The following METTL8 variants were observed in gnomAD, a reference collection of about 807,000 sequenced individuals.
The protein encoded by METTL8 is methyltransferase 8, tRNA N3-cytidine.
A neutral mutation model predicts 48.7 loss-of-function variants in METTL8; 32 were observed. The ratio of observed to expected loss-of-function variants is 0.66; its 90% CI spans 0.50 to 0.88. The LOEUF is 0.88. Among genes scored for constraint, METTL8 ranks in the 40% least tolerant of loss-of-function variants. METTL8 has a pLI of 0.00. For missense variants in METTL8, 464 were observed against 474.4 expected (o/e 0.98, Z 0.20); for synonymous variants, 136 against 157.1 (o/e 0.87, Z 1.01).
intron 1 of METTL8, among the ~76,000 whole-genome samples, chr2:171,393,407 CAAA>C (rs10629650): frequency 1.9e-5 from 2 of 104,184 alleles, no homozygotes; most frequent in Non-Finnish European, 3.6e-5. Flanking sequence ...TATAAAAAAG[CAAA>C]AAAAAAAAAA....
At chr2:171,423,058 T>C (rs1055997335) in intron 1 of METTL8, among the ~76,000 whole-genome samples, 2 of 152,150 alleles carry the variant, frequency 1.3e-5, no homozygotes, top group Non-Finnish European at 2.9e-5. Flanking sequence ...TGATAGTGAG[T>C]TCTCATGAGA....
At chr2:171,413,032 A>G (rs1411806427) in intron 1 of METTL8, among the ~76,000 whole-genome samples, 1 of 152,256 alleles carries the variant, frequency 6.6e-6, no homozygotes, top group Non-Finnish European at 1.5e-5. Context: ...GAAGACCTAT[A>G]CAACTCAATG....
chr2:171,359,637 G>A (rs932234685), intron 3 of METTL8, among the ~76,000 whole-genome samples: 6 of 150,536 alleles, frequency 4.0e-5, no homozygotes, highest in South Asian at 4.2e-4. Context: ...TTTTTTAGAC[G>A]GAGTCTCGCT....
At chr2:171,374,848 T>G (rs1259800298) in intron 2 of METTL8, 1 of 735,844 alleles carries the variant, frequency 1.4e-6, no homozygotes, top group Non-Finnish European at 2.4e-6. Flanking sequence ...GGTGTATGTT[T>G]AACTTTTTTT....
In METTL8 at chr2:171,317,767, G is replaced by A. The variant is rs1160283043; in HGVS notation, c.*6405C>T. 1 of 152,172 alleles carries A rather than the reference G, an allele frequency of 6.6e-6. No individual in the cohort carries two copies. The highest frequency in any genetic ancestry group is 6.5e-5 in the Admixed American group (1 of 15,282). The allele number at this position is 152,172 out of a possible 1,614,324, so 9.4% of individuals were successfully genotyped here. A position where few individuals can be genotyped will look rare whatever the true frequency, so the allele number is the denominator to read the frequency against. On this transcript the variant is annotated 3_prime_UTR_variant, in exon 10 of 10. Transcript: ENST00000375258. ...GTAGCTTGCCTTTGCCGAGCTCCAG[G>A]GGCAGCTGAGGGTGGGCTGTCTGAC... is the stretch of plus-strand genomic sequence containing the variant.
At chr2:171,372,286 G>C (rs1686440715) in intron 2 of METTL8, among the ~76,000 whole-genome samples, 1 of 151,762 alleles carries the variant, frequency 6.6e-6, no homozygotes, top group African/African-American at 2.4e-5. Context: ...AAGGAAGGGG[G>C]CATTTTTTTT....
chr2:171,346,550 A>G (rs189297847), intron 3 of METTL8, among the ~76,000 whole-genome samples: 1 of 152,330 alleles, frequency 6.6e-6, no homozygotes, highest in Admixed American at 6.5e-5. Context: ...GTTGGCCAGC[A>G]TGGGAGAACA....
At chr2:171,351,658 C>A (rs1047610983) in intron 3 of METTL8, among the ~76,000 whole-genome samples, 5 of 152,154 alleles carry the variant, frequency 3.3e-5, no homozygotes, top group African/African-American at 4.8e-5. Context: ...GTTGGTAGTT[C>A]TCCTTGAAGA....
At chr2:171,345,068 G>A (rs183092829) in intron 3 of METTL8, among the ~76,000 whole-genome samples, 1 of 152,268 alleles carries the variant, frequency 6.6e-6, no homozygotes, top group Non-Finnish European at 1.5e-5. Context: ...TTTCTTGGAG[G>A]AAAATTTTTT....
Position 171,324,245 on chromosome 2 carries a change from C to T in METTL8, c.1151G>A (p.Gly384Asp). The change falls in exon 10 of 10, where the codon GGC becomes GAC. Residue 384 changes from glycine (G) to aspartate (D), a missense_variant. By Grantham distance (94) the Gly-to-Asp change is moderately conservative. Transcript: ENST00000375258. Reference protein sequence around the residue: ...QVKMHRVWIQGKFQKPLHQTQ... With the variant: ...QVKMHRVWIQDKFQKPLHQTQ... ...CTGGTGCAATGGTTTCTGGAATTTG[C>T]CTTGAATCCACACTCGGTGCATTTT... 6.4e-7 allele frequency: 1 copy of T among 1,551,332 alleles called. No individual in the cohort carries two copies. The highest frequency in any genetic ancestry group is 8.7e-7 in the Non-Finnish European group (1 of 1,146,950).
chr2:171,340,788 A>G (rs1433056851), intron 3 of METTL8, among the ~76,000 whole-genome samples: 1 of 152,198 alleles, frequency 6.6e-6, no homozygotes, highest in Non-Finnish European at 1.5e-5. Flanking sequence ...GCCCCATCAC[A>G]GTGAATCCAT....
intron 2 of METTL8, among the ~76,000 whole-genome samples, chr2:171,383,671 A>G (rs1687780671): frequency 6.6e-6 from 1 of 152,246 alleles, no homozygotes; most frequent in Admixed American, 6.5e-5. Context: ...CTATATGCTT[A>G]AACCAAGAAC....
intron 3 of METTL8, among the ~76,000 whole-genome samples, chr2:171,340,868 C>T (rs1037812278): frequency 1.3e-5 from 2 of 152,184 alleles, no homozygotes; most frequent in Non-Finnish European, 2.9e-5. Flanking sequence ...ACCTCCAAGG[C>T]ATCTCTTCCT....
rs1684929275 is a variant in METTL8, at chr2:171,326,120, T to A, written c.889A>T (p.Lys297Ter). 5 of 1,548,630 alleles carry A rather than the reference T, an allele frequency of 3.2e-6. No homozygotes were observed. Among genetic ancestry groups the A allele is most frequent in the Non-Finnish European group, 3.5e-6 (4 of 1,144,482 alleles). Reference sequence around the variant, plus strand: ...AGCATTCCCCCAGGTTTCAGTAACTTGGACAGTCGGTTTACAACACCTTGC... The same window carrying A: ...AGCATTCCCCCAGGTTTCAGTAACTAGGACAGTCGGTTTACAACACCTTGC... The part of the protein sequence containing the change: ...RMQGVVNRLS[K>*]LLKPGGMLLF... Residue 297 changes from lysine (K) to a stop codon, truncating the protein, a stop_gained, in exon 8 of 10, where the codon AAG becomes TAG. Transcript: ENST00000375258. LOFTEE classifies it high-confidence loss of function.
chr2:171,340,831 C>T (rs1357321686), intron 3 of METTL8, among the ~76,000 whole-genome samples: 2 of 152,116 alleles, frequency 1.3e-5, no homozygotes, highest in Non-Finnish European at 2.9e-5. Context: ...AATCTGGAGG[C>T]CATCCCGTAA....
chr2:171,397,631 A>G (rs1559173064), intron 1 of METTL8, among the ~76,000 whole-genome samples: 1 of 151,810 alleles, frequency 6.6e-6, no homozygotes, highest in Non-Finnish European at 1.5e-5. Context: ...ATCAAAGTCA[A>G]AAGTTAGTTC....
intron 3 of METTL8, 58 bp downstream of exon 3, chr2:171,360,364 G>A: frequency 7.0e-7 from 1 of 1,422,620 alleles, no homozygotes; most frequent in East Asian, 2.3e-5. Context: ...AATGACACGA[G>A]GAGGAGGAAA....
At chr2:171,430,872 C>T (rs933502924) in intron 1 of METTL8, among the ~76,000 whole-genome samples, 6 of 152,080 alleles carry the variant, frequency 3.9e-5, no homozygotes, top group African/African-American at 1.4e-4. Flanking sequence ...TTACATATAC[C>T]CACCCTTCTC....
chr2:171,392,178 A>T lies in METTL8; in HGVS notation c.8T>A (p.Met3Lys). The change falls in exon 2 of 10, where the codon ATG becomes AAG. Residue 3 changes from methionine to lysine, a missense_variant. Coordinates refer to ENST00000375258, the MANE Select transcript of METTL8 (RefSeq NM_001321154.2). ...ACAAGAAATGGAATTTCTCCAAATC[A>T]TATTCATCCTAAGCAGTACCTAAAA... is the stretch of plus-strand genomic sequence containing the variant. Reference protein sequence around the residue: MNMIWRNSISCLR... With the variant: MNKIWRNSISCLR... The T allele has an allele frequency of 6.4e-7, 1 of 1,551,410 alleles. No individual in the cohort carries two copies. Among genetic ancestry groups the T allele is most frequent in the Non-Finnish European group, 8.7e-7 (1 of 1,146,812 alleles).
Sources: gnomAD v4.1 joint callset for allele counts (sites outside exome capture counted in the v4.1 genomes callset) on GRCh38, gnomAD v4.1.1 for gene constraint, MANE v1.5 for transcripts, NCBI Gene and HGNC (gene_info 2026-07-23, HGNC 2026-07-21) for gene names.